The following DNAI7 variants were observed in gnomAD, a reference collection of about 807,000 sequenced individuals.
DNAI7 encodes cancer susceptibility 1.
Under a neutral mutation model 86.6 loss-of-function variants are expected in DNAI7, and 78 were observed. The observed-to-expected ratio is 0.90, with a 90% CI of 0.75 to 1.09. The LOEUF (loss-of-function observed/expected upper bound fraction) is 1.09, where lower values mean the gene tolerates loss of function less well. DNAI7 is among the 50% of genes least tolerant of loss of function. The pLI is 0.00. For synonymous variants in DNAI7, 274 were observed against 273.0 expected (o/e 1.00, Z -0.04); for missense variants, 753 against 810.2 (o/e 0.93, Z 0.86).
At chr12:25,193,727 T>G (rs1320446000) in intron 1 of DNAI7, among the ~76,000 whole-genome samples, 1 of 152,226 alleles carries the variant, frequency 6.6e-6, no homozygotes, top group African/African-American at 2.4e-5. Context: ...AGGTAACAAG[T>G]AAGTGCTTAC....
At chr12:25,155,235 C>A in intron 5 of DNAI7, 76 bp downstream of exon 5, 1 of 667,388 alleles carries the variant, frequency 1.5e-6, no homozygotes, top group South Asian at 2.4e-5. Context: ...AGTTTCTTTT[C>A]TTGGCATCAA....
At chr12:25,112,438 C>G (rs1422004299) in intron 13 of DNAI7, among the ~76,000 whole-genome samples, 8 of 136,616 alleles carry the variant, frequency 5.9e-5, no homozygotes, top group South Asian at 4.6e-4. Flanking sequence ...ACGGAGTCTC[C>G]CTCTGTCGCC....
Position 25,121,915 on chromosome 12 carries a change from TA to T in DNAI7, c.1079-3del. On this transcript the variant is annotated splice_region_variant and splice_polypyrimidine_tract_variant and intron_variant, in intron 10 of 15. Coordinates refer to ENST00000395987, the MANE Select transcript of DNAI7 (RefSeq NM_018272.5). ...AATTCTCTACCAGCAACAACTGTGC[TA>T]AAATTAATCAGATTAACAGTTTTCA... 1 of 1,569,808 alleles carries T rather than the reference TA, an allele frequency of 6.4e-7. No individual in the cohort carries two copies. The highest frequency in any genetic ancestry group is 8.6e-7 in the Non-Finnish European group (1 of 1,163,894).
At chr12:25,141,605 T>A (rs1944192103) in intron 9 of DNAI7, among the ~76,000 whole-genome samples, 1 of 152,090 alleles carries the variant, frequency 6.6e-6, no homozygotes, top group Admixed American at 6.5e-5. Flanking sequence ...CCAAGGCAGG[T>A]GGACCATGAG....
At chr12:25,177,732 T>A (rs1214635343) in intron 2 of DNAI7, among the ~76,000 whole-genome samples, 1 of 152,160 alleles carries the variant, frequency 6.6e-6, no homozygotes, top group Non-Finnish European at 1.5e-5. Context: ...TCCAAAGTAG[T>A]TATTCTAATT....
At chr12:25,126,993 T>A (rs1214660321) in intron 9 of DNAI7, among the ~76,000 whole-genome samples, 1 of 152,196 alleles carries the variant, frequency 6.6e-6, no homozygotes, top group Non-Finnish European at 1.5e-5. Flanking sequence ...CAGGAATTTA[T>A]CAGTTTCTAT....
At position 25,114,844 on chromosome 12, in the gene DNAI7, TG is replaced by T. The variant is rs1352059657; in HGVS notation, c.1422del (p.Ser475AlafsTer12). Reference sequence around the variant, plus strand: ...TCTTTTGGTTTGTAGGATACATTGCTGATGCCATCAGTTCTCCAATGTTTAC... The same window carrying T: ...TCTTTTGGTTTGTAGGATACATTGCTATGCCATCAGTTCTCCAATGTTTAC... Reference protein sequence around the residue: ...AEGKHWRTDGISNVSYKPKER... With the variant: ...AEGKHWRTDGXSNVSYKPKER... On this transcript the variant is annotated frameshift_variant, in exon 13 of 16. Coordinates refer to ENST00000395987, the MANE Select transcript of DNAI7 (RefSeq NM_018272.5). LOFTEE classifies it high-confidence loss of function. 2 of 1,613,570 alleles carry T rather than the reference TG, an allele frequency of 1.2e-6. No individual in the cohort carries two copies. The highest frequency in any genetic ancestry group is 1.7e-6 in the Non-Finnish European group (2 of 1,179,576).
At chr12:25,145,541 T>C (rs184178268) in intron 8 of DNAI7, among the ~76,000 whole-genome samples, 1 of 152,348 alleles carries the variant, frequency 6.6e-6, no homozygotes, top group Non-Finnish European at 1.5e-5. Context: ...TATTTTACAA[T>C]GAGAAAGGTT....
At chr12:25,170,151 G>A (rs929233719) in intron 2 of DNAI7, among the ~76,000 whole-genome samples, 1 of 151,988 alleles carries the variant, frequency 6.6e-6, no homozygotes. Context: ...AGCATTTTGG[G>A]AGGCTGAGGG....
intron 9 of DNAI7, among the ~76,000 whole-genome samples, chr12:25,127,627 A>G (rs1942330462): frequency 6.6e-6 from 1 of 152,248 alleles, no homozygotes; most frequent in South Asian, 2.1e-4. Context: ...TAACTTTTCA[A>G]TGATATCTTG....
At chr12:25,114,471 A>C (rs1055840116) in intron 13 of DNAI7, among the ~76,000 whole-genome samples, 185 bp downstream of exon 13, 1 of 152,232 alleles carries the variant, frequency 6.6e-6, no homozygotes, top group Non-Finnish European at 1.5e-5. Flanking sequence ...GTTATTGCCT[A>C]TTTAATTATT....
chr12:25,121,537 A>T (rs1941291125), intron 11 of DNAI7, among the ~76,000 whole-genome samples: 1 of 152,220 alleles, frequency 6.6e-6, no homozygotes, highest in Admixed American at 6.5e-5. Context: ...AATGAAGTTA[A>T]CATATCTGAA....
At chr12:25,182,978 G>GGAGGAAGGGAAGGAGA (rs1565835769) in intron 2 of DNAI7, among the ~76,000 whole-genome samples, 2 of 139,588 alleles carry the variant, frequency 1.4e-5, no homozygotes, top group Admixed American at 7.3e-5. Context: ...AGGGAGGAAG[G>GGAGGAAGGGAAGGAGA]GAAGGAGAGA....
At chr12:25,108,263 G>T (rs1949360397), downstream of DNAI7, 3 of 586,630 alleles carry the variant, frequency 5.1e-6, no homozygotes, top group Non-Finnish European at 5.8e-6. Context: ...ATCTTTGAAT[G>T]AGCTTTTTAA....
At chr12:25,117,197 G>C (rs755312218) in intron 12 of DNAI7, among the ~76,000 whole-genome samples, 1 of 152,150 alleles carries the variant, frequency 6.6e-6, no homozygotes, top group Non-Finnish European at 1.5e-5. Context: ...GCCTCCCAAA[G>C]TGCTGGGATT....
In DNAI7 at chr12:25,154,304, T is replaced by C; in HGVS notation, c.438+15A>G. ...TTGTAATAGCCAGTTTATAGGAAAATGCATAAATACCTACATTTAGCACTA... is the reference window on the plus strand; with the variant it reads ...TTGTAATAGCCAGTTTATAGGAAAACGCATAAATACCTACATTTAGCACTA... On this transcript the variant is annotated intron_variant, in intron 6 of 15. Coordinates refer to ENST00000395987, the MANE Select transcript of DNAI7 (RefSeq NM_018272.5). 6.3e-7 allele frequency: 1 copy of C among 1,576,604 alleles called. No individual in the cohort carries two copies. The highest frequency in any genetic ancestry group is 8.5e-7 in the Non-Finnish European group (1 of 1,169,906).
chr12:25,151,069 C>T (rs955485644), intron 6 of DNAI7, among the ~76,000 whole-genome samples: 4 of 152,186 alleles, frequency 2.6e-5, no homozygotes, highest in African/African-American at 9.7e-5. Flanking sequence ...ATTTTGAACA[C>T]TAACACAGAT....
intron 13 of DNAI7, among the ~76,000 whole-genome samples, chr12:25,114,091 G>A (rs1939578094): frequency 1.3e-5 from 2 of 151,926 alleles, no homozygotes; most frequent in Non-Finnish European, 2.9e-5. Flanking sequence ...GATTACAGGT[G>A]TGTGCCACCA....
downstream of DNAI7, chr12:25,108,071 T>C: frequency 6.2e-7 from 1 of 1,608,986 alleles, no homozygotes; most frequent in East Asian, 2.2e-5. Flanking sequence ...CAGCAGGACA[T>C]CCTAATATAT....
Sources: gnomAD v4.1 joint callset for allele counts (sites outside exome capture counted in the v4.1 genomes callset) on GRCh38, gnomAD v4.1.1 for gene constraint, MANE v1.5 for transcripts, NCBI Gene and HGNC (gene_info 2026-07-23, HGNC 2026-07-21) for gene names.